The following ART1 variants were observed in gnomAD, a reference collection of about 807,000 sequenced individuals.
The protein encoded by ART1 is GPI-linked NAD(P)(+)--arginine ADP-ribosyltransferase 1.
Under a neutral mutation model 27.0 loss-of-function variants are expected in ART1, and 29 were observed. The ratio of observed to expected loss-of-function variants is 1.08; its 90% CI spans 0.80 to 1.47. The LOEUF (loss-of-function observed/expected upper bound fraction) is 1.47, where lower values mean the gene tolerates loss of function less well. ART1 is among the 40% of genes most tolerant of loss of function. ART1 has a pLI of 0.00. For missense variants in ART1, 480 were observed against 423.0 expected (o/e 1.13, Z -1.18); for synonymous variants, 201 against 172.2 (o/e 1.17, Z -1.31).
intron 4 of ART1, among the ~76,000 whole-genome samples, chr11:3,662,831 C>T (rs771803933): frequency 2.6e-4 from 40 of 152,164 alleles, no homozygotes; most frequent in African/African-American, 9.2e-4. Flanking sequence ...GCAACAAGAG[C>T]GAAACTCTGT....
At chr11:3,648,476 A>T (rs573930647) in intron 1 of ART1, among the ~76,000 whole-genome samples, 17 of 152,136 alleles carry the variant, frequency 1.1e-4, no homozygotes, top group Non-Finnish European at 1.6e-4. Context: ...CTTTTTACTC[A>T]CTTCTCCAAC....
intron 1 of ART1, among the ~76,000 whole-genome samples, chr11:3,654,888 C>G (rs1412797236): frequency 6.6e-6 from 1 of 152,182 alleles, no homozygotes; most frequent in Admixed American, 6.6e-5. Context: ...CCTCAAGCCT[C>G]TGATGTATCT....
intron 3 of ART1, 32 bp downstream of exon 3, chr11:3,660,395 C>T (rs751044850): frequency 2.7e-5 from 43 of 1,572,582 alleles, no homozygotes; most frequent in African/African-American, 1.1e-4. Flanking sequence ...GGCACCTGTG[C>T]GGAAGGTGGA....
intron 1 of ART1, among the ~76,000 whole-genome samples, chr11:3,658,547 G>T (rs2077592206): frequency 6.6e-6 from 1 of 152,004 alleles, no homozygotes; most frequent in Admixed American, 6.6e-5. Context: ...TCTTCCCCCA[G>T]CACCCGGGGT....
At chr11:3,650,950 G>A (rs942725799) in intron 1 of ART1, among the ~76,000 whole-genome samples, 41 of 151,224 alleles carry the variant, frequency 2.7e-4, no homozygotes, top group African/African-American at 9.2e-4. Context: ...AGCATGCTTT[G>A]AAAGGATTAA....
intron 4 of ART1, among the ~76,000 whole-genome samples, chr11:3,663,546 GACTCT>G (rs1177692425): frequency 6.6e-6 from 1 of 152,054 alleles, no homozygotes; most frequent in Non-Finnish European, 1.5e-5. Context: ...GAGAAACTGG[GACTCT>G]AATTGGTCTC....
chr11:3,661,898 G>C (rs11028846), intron 4 of ART1, among the ~76,000 whole-genome samples: 11,012 of 152,296 alleles, frequency 0.072, 988 homozygotes, highest in African/African-American at 0.21. Context: ...CAGGAGATGA[G>C]TGTGTGGGAG....
intron 3 of ART1, 98 bp downstream of exon 3, chr11:3,660,461 A>G: frequency 7.3e-7 from 1 of 1,363,564 alleles, no homozygotes; most frequent in Non-Finnish European, 9.9e-7. Context: ...CCTGTGTCCC[A>G]GGGATACATA....
At chr11:3,658,104 G>C (rs539780976) in intron 1 of ART1, among the ~76,000 whole-genome samples, 47 of 151,932 alleles carry the variant, frequency 3.1e-4, no homozygotes, top group Non-Finnish European at 5.6e-4. Context: ...AGGCTGAGGC[G>C]GGCGGATCAC....
intron 1 of ART1, among the ~76,000 whole-genome samples, chr11:3,657,984 G>A (rs1383470008): frequency 6.6e-6 from 1 of 151,830 alleles, no homozygotes; most frequent in Non-Finnish European, 1.5e-5. Context: ...TTTTTTCTGA[G>A]GAAAAAAGGT....
chr11:3,646,346 C>G (rs1202357071), intron 1 of ART1, among the ~76,000 whole-genome samples: 1 of 151,968 alleles, frequency 6.6e-6, no homozygotes, highest in South Asian at 2.1e-4. Flanking sequence ...AGGATGGACC[C>G]CTATCTCACC....
intron 3 of ART1, 71 bp from the exon 4 acceptor site, chr11:3,661,301 C>T: frequency 7.1e-7 from 1 of 1,414,766 alleles, no homozygotes; most frequent in Admixed American, 2.0e-5. Context: ...GATGGACTAC[C>T]AGGGCTCTGA....
chr11:3,654,749 C>T lies in ART1; in HGVS notation c.-52-4413C>T, dbSNP rs201466211. On this transcript the variant is annotated intron_variant, in intron 1 of 4. Coordinates refer to ENST00000250693, the MANE Select transcript of ART1 (RefSeq NM_004314.3). ...TCCACCTCCTACCTCTGTCTATCCT[C>T]ACTGCCATTCTCCCATCAGACATCA... is the stretch of plus-strand genomic sequence containing the variant. Among the ~76,000 whole-genome samples, 448 of 142,278 alleles carry T rather than the reference C, an allele frequency of 3.1e-3. 8 individuals carry two copies. In the East Asian group the frequency reaches 0.075, roughly 24 times the overall value. The allele number at this position is 142,278 out of a possible 152,430, so 93.3% of individuals were successfully genotyped here. A position where few individuals can be genotyped will look rare whatever the true frequency, so the allele number is the denominator to read the frequency against.
chr11:3,646,640 C>G lies in ART1; in HGVS notation c.-53+1461C>G, dbSNP rs534371027. On this transcript the variant is annotated intron_variant, in intron 1 of 4. Coordinates refer to ENST00000250693, the MANE Select transcript of ART1 (RefSeq NM_004314.3). Reference sequence around the variant, plus strand: ...ACCTCTGGCTTCATCAATCAAGCAGCTCACCCTCTGCCTTTCAGCCTTCTC... The same window carrying G: ...ACCTCTGGCTTCATCAATCAAGCAGGTCACCCTCTGCCTTTCAGCCTTCTC... 1.2e-3 allele frequency among the ~76,000 whole-genome samples: 178 copies of G among 152,328 alleles called. 3 individuals carry two copies. Among genetic ancestry groups the G allele is most frequent in the Admixed American group, 3.0e-3 (46 of 15,306 alleles).
rs2077612796 is a variant in ART1, at chr11:3,660,499, A to G, written c.844+136A>G. 3.9e-6 allele frequency: 4 copies of G among 1,028,832 alleles called. No homozygotes were observed. The South Asian group carries it at 5.0e-5, about 13-fold the overall frequency. The allele number at this position is 1,028,832 out of a possible 1,614,324, so 63.7% of individuals were successfully genotyped here. A position where few individuals can be genotyped will look rare whatever the true frequency, so the allele number is the denominator to read the frequency against. On this transcript the variant is annotated intron_variant, in intron 3 of 4. Transcript: ENST00000250693. ...TACAAGTCATATCCACCAGCTCCCA[A>G]CCCCTTCCATCTAAGGGGAGACATA...
chr11:3,659,680 C>T lies in ART1; in HGVS notation c.161C>T (p.Ala54Val), dbSNP rs372301018. Residue 54 changes from alanine to valine, a missense_variant, in exon 3 of 5, where the codon GCT becomes GTT. Ala to Val is a moderately conservative substitution (Grantham distance 64). Coordinates refer to ENST00000250693, the MANE Select transcript of ART1 (RefSeq NM_004314.3). ...ASFDDQYAGC[A>V]AAMTAALPDL... ...TTTGATGACCAGTACGCTGGCTGTGCTGCTGCCATGACAGCTGCTCTCCCG... is the reference window on the plus strand; with the variant it reads ...TTTGATGACCAGTACGCTGGCTGTGTTGCTGCCATGACAGCTGCTCTCCCG... 5 of 1,613,898 alleles carry T rather than the reference C, an allele frequency of 3.1e-6. No homozygotes were observed. The highest frequency in any genetic ancestry group is 1.6e-4 in the Middle Eastern group (1 of 6,062).
intron 1 of ART1, among the ~76,000 whole-genome samples, chr11:3,658,034 T>C (rs1430480632): frequency 6.6e-6 from 1 of 152,014 alleles, no homozygotes; most frequent in Non-Finnish European, 1.5e-5. Flanking sequence ...CTTTCAGTTC[T>C]TAAAAAAATG....
At chr11:3,660,796 GA>G (rs2077614394) in intron 3 of ART1, among the ~76,000 whole-genome samples, 1 of 152,222 alleles carries the variant, frequency 6.6e-6, no homozygotes, top group South Asian at 2.1e-4. Context: ...GATGGAAGAG[GA>G]ATTATGTGCT....
At chr11:3,656,502 C>T (rs2077576251) in intron 1 of ART1, among the ~76,000 whole-genome samples, 1 of 152,086 alleles carries the variant, frequency 6.6e-6, no homozygotes, top group Non-Finnish European at 1.5e-5. Flanking sequence ...CCTGCCTCAG[C>T]CTCCCGAGTA....
Sources: gnomAD v4.1 joint callset for allele counts (sites outside exome capture counted in the v4.1 genomes callset) on GRCh38, gnomAD v4.1.1 for gene constraint, MANE v1.5 for transcripts, NCBI Gene and HGNC (gene_info 2026-07-23, HGNC 2026-07-21) for gene names.